The following FARS2 variants were observed in gnomAD, a reference collection of about 807,000 sequenced individuals.
FARS2 encodes the protein phenylalanine--tRNA ligase, mitochondrial.
Under a neutral mutation model 46.4 loss-of-function variants are expected in FARS2, and 40 were observed. That is an observed-to-expected ratio of 0.86 (90% CI 0.67 to 1.12). The LOEUF (loss-of-function observed/expected upper bound fraction) is 1.12, where lower values mean the gene tolerates loss of function less well. FARS2 is among the 50% of genes most tolerant of loss of function. The pLI is 0.00. For synonymous variants in FARS2, 234 were observed against 214.9 expected, an observed-to-expected ratio of 1.09 and a Z score of -0.78; for missense variants, 513 against 567.9, an observed-to-expected ratio of 0.90 and a Z score of 0.98.
intron 1 of FARS2, among the ~76,000 whole-genome samples, chr6:5,357,237 CTG>C (rs1209056466): frequency 6.6e-6 from 1 of 152,270 alleles, no homozygotes; most frequent in East Asian, 1.9e-4. Context: ...GGAAATATCA[CTG>C]TGAGTTAAAT....
At chr6:5,725,002 A>C (rs980344599) in intron 6 of FARS2, among the ~76,000 whole-genome samples, 1 of 152,238 alleles carries the variant, frequency 6.6e-6, no homozygotes, top group African/African-American at 2.4e-5. Context: ...CAAAATTCTA[A>C]AGATGAAATG....
At chr6:5,331,807 G>A (rs546302484) in intron 1 of FARS2, among the ~76,000 whole-genome samples, 5 of 152,122 alleles carry the variant, frequency 3.3e-5, no homozygotes, top group Admixed American at 1.3e-4. Context: ...CTCTATAGTC[G>A]CTGGTCTTGG....
intron 1 of FARS2, among the ~76,000 whole-genome samples, chr6:5,276,543 A>G (rs1333541736): frequency 6.6e-6 from 1 of 152,234 alleles, no homozygotes; most frequent in Non-Finnish European, 1.5e-5. Context: ...GTTAATCTGC[A>G]TACCCTTGTG....
chr6:5,537,466 C>CTGGAGATGCCCCGGGCCTCCTCTCGAGT, intron 4 of FARS2, among the ~76,000 whole-genome samples: 1 of 120,868 alleles, frequency 8.3e-6, no homozygotes, highest in Non-Finnish European at 1.9e-5. Context: ...TCCTCTCGAG[C>CTGGAGATGCCCCGGGCCTCCTCTCGAGT]TGGAGATGTC....
intron 4 of FARS2, among the ~76,000 whole-genome samples, chr6:5,518,724 G>A (rs993533326): frequency 3.9e-5 from 6 of 152,044 alleles, no homozygotes; most frequent in African/African-American, 1.2e-4. Context: ...GTGAGTGTTG[G>A]CATCATGCAA....
intron 4 of FARS2, among the ~76,000 whole-genome samples, chr6:5,458,450 C>T (rs1489151694): frequency 6.6e-6 from 1 of 152,162 alleles, no homozygotes; most frequent in Non-Finnish European, 1.5e-5. Context: ...CCACTGTAGT[C>T]AAACATGAAT....
At chr6:5,251,749 C>T in the FARS2 span, among the ~76,000 whole-genome samples, 1 of 152,178 alleles carries the variant, frequency 6.6e-6, no homozygotes, top group Non-Finnish European at 1.5e-5. Context: ...TCATTGCATG[C>T]TAGCCTTCTT....
chr6:5,657,488 T>C (rs1262015060), intron 6 of FARS2, among the ~76,000 whole-genome samples: 6 of 152,158 alleles, frequency 3.9e-5, no homozygotes, highest in Admixed American at 3.9e-4. Flanking sequence ...ATCACTGAAG[T>C]CCACTTATTA....
intron 4 of FARS2, among the ~76,000 whole-genome samples, chr6:5,510,323 T>A (rs1464042138): frequency 2.6e-5 from 4 of 152,142 alleles, no homozygotes; most frequent in African/African-American, 7.2e-5. Context: ...TTAGGGGAGA[T>A]GCTGCCTGGT....
At chr6:5,487,404 C>G (rs953112925) in intron 4 of FARS2, among the ~76,000 whole-genome samples, 1 of 152,188 alleles carries the variant, frequency 6.6e-6, no homozygotes, top group African/African-American at 2.4e-5. Flanking sequence ...ACCAGCACTA[C>G]AATTCCTAAC....
At chr6:5,641,303 T>G (rs1052646948) in intron 6 of FARS2, among the ~76,000 whole-genome samples, 1 of 152,028 alleles carries the variant, frequency 6.6e-6, no homozygotes, top group Non-Finnish European at 1.5e-5. Flanking sequence ...TTTTATTTTA[T>G]TTTATTTTTT....
At chr6:5,393,463 T>C (rs1466365519) in intron 2 of FARS2, among the ~76,000 whole-genome samples, 2 of 152,074 alleles carry the variant, frequency 1.3e-5, no homozygotes, top group Non-Finnish European at 2.9e-5. Context: ...GAGACCATCC[T>C]GGCCAACATG....
rs148728303 is a variant in FARS2, at chr6:5,671,182, A to C, written c.1217+57862A>C. On this transcript the variant is annotated intron_variant, in intron 6 of 6. Transcript: ENST00000274680. ...CAGCATGTTTATTATAGTTAAATTT[A>C]ACTAATTTAGGGCCTGTTGCTGGCC... 2.6e-4 allele frequency among the ~76,000 whole-genome samples: 39 copies of C among 152,354 alleles called. 3 individuals carry two copies. In the East Asian group the frequency reaches 7.5e-3, roughly 29 times the overall value.
chr6:5,326,534 G>T (rs1364700424), intron 1 of FARS2, among the ~76,000 whole-genome samples: 1 of 152,182 alleles, frequency 6.6e-6, no homozygotes, highest in African/African-American at 2.4e-5. Flanking sequence ...GGCAGGTCTG[G>T]TCTCCCGCCC....
chr6:5,379,510 C>G (rs945517571), intron 2 of FARS2, among the ~76,000 whole-genome samples: 1 of 152,142 alleles, frequency 6.6e-6, no homozygotes, highest in African/African-American at 2.4e-5. Context: ...ACCCTTAGGA[C>G]TAAGACGGGG....
intron 2 of FARS2, among the ~76,000 whole-genome samples, chr6:5,387,863 G>T (rs1760236811): frequency 6.6e-6 from 1 of 152,140 alleles, no homozygotes; most frequent in Non-Finnish European, 1.5e-5. Context: ...TCATTCAGAG[G>T]AGTATATTGT....
intron 4 of FARS2, among the ~76,000 whole-genome samples, chr6:5,460,623 G>C (rs1765189201): frequency 6.6e-6 from 1 of 152,122 alleles, no homozygotes; most frequent in Admixed American, 6.5e-5. Context: ...AGAACATTCT[G>C]CTGTAGCTGC....
chr6:5,263,999 C>T (rs1241601987), intron 1 of FARS2, among the ~76,000 whole-genome samples: 2 of 152,132 alleles, frequency 1.3e-5, no homozygotes, highest in African/African-American at 2.4e-5. Context: ...ATTGCTTGAG[C>T]CCAGGAGTTT....
intron 4 of FARS2, among the ~76,000 whole-genome samples, chr6:5,507,690 C>G (rs1350258545): frequency 6.6e-6 from 1 of 152,196 alleles, no homozygotes; most frequent in Non-Finnish European, 1.5e-5. Flanking sequence ...AAATGAAGCT[C>G]ATTTTCCAGT....
Sources: gnomAD v4.1 joint callset for allele counts (sites outside exome capture counted in the v4.1 genomes callset) on GRCh38, gnomAD v4.1.1 for gene constraint, MANE v1.5 for transcripts, NCBI Gene and HGNC (gene_info 2026-07-23, HGNC 2026-07-21) for gene names.